The following N4BP2 variants were observed in gnomAD, a reference collection of about 807,000 sequenced individuals.
N4BP2 encodes the protein NEDD4-binding protein 2.
In N4BP2, 91 loss-of-function variants were observed where a neutral mutation model predicts 152.8. The ratio of observed to expected loss-of-function variants is 0.60; its 90% CI spans 0.50 to 0.71. The LOEUF (loss-of-function observed/expected upper bound fraction) is 0.71. Ranked by LOEUF, N4BP2 falls within the 30% of genes least tolerant of loss-of-function variation. The probability of loss-of-function intolerance (pLI) is 0.00; values close to 1 mark genes in which losing one functional copy is unlikely to be tolerated. For synonymous variants in N4BP2, 646 were observed against 705.3 expected, an observed-to-expected ratio of 0.92 and a Z score of 1.33; for missense variants, 1,923 against 2,059.1, an observed-to-expected ratio of 0.93 and a Z score of 1.28.
At chr4:40,060,537 G>T (rs1374591735) in intron 1 of N4BP2, among the ~76,000 whole-genome samples, 2 of 151,974 alleles carry the variant, frequency 1.3e-5, no homozygotes, top group Non-Finnish European at 2.9e-5. Context: ...GAGCCACTGT[G>T]CCCGGCCGCA....
intron 1 of N4BP2, among the ~76,000 whole-genome samples, chr4:40,066,493 A>AT: frequency 6.6e-6 from 1 of 150,798 alleles, no homozygotes; most frequent in African/African-American, 2.4e-5. Context: ...TAATTTTTGT[A>AT]TTTTTTATTA....
intron 16 of N4BP2, among the ~76,000 whole-genome samples, chr4:40,150,060 A>G (rs1290951049): frequency 2.0e-5 from 3 of 152,186 alleles, no homozygotes; most frequent in African/African-American, 7.2e-5. Context: ...GTCAGTCACC[A>G]CCAGGTGGCA....
intron 3 of N4BP2, among the ~76,000 whole-genome samples, chr4:40,101,677 ATACT>A (rs1715668460): frequency 6.6e-6 from 1 of 152,226 alleles, no homozygotes; most frequent in Non-Finnish European, 1.5e-5. Context: ...AATACATAAA[ATACT>A]TAATATTTAA....
intron 12 of N4BP2, among the ~76,000 whole-genome samples, chr4:40,131,451 T>C (rs1718894905): frequency 6.6e-6 from 1 of 152,192 alleles, no homozygotes. Flanking sequence ...TGTGTATGTA[T>C]ATATATGCCT....
At chr4:40,103,971 T>C (rs1232568779) in intron 4 of N4BP2, among the ~76,000 whole-genome samples, 1 of 152,166 alleles carries the variant, frequency 6.6e-6, no homozygotes, top group Non-Finnish European at 1.5e-5. Context: ...TCTTTTTTTT[T>C]TGAGACGGAG....
the N4BP2 span, among the ~76,000 whole-genome samples, chr4:40,184,594 A>G: frequency 3.3e-5 from 5 of 152,202 alleles, no homozygotes; most frequent in Non-Finnish European, 7.3e-5. Flanking sequence ...CCATTCAGAG[A>G]CAGTCACTAT....
chr4:40,127,181 GCCTGA>G (rs1718484368), intron 12 of N4BP2, among the ~76,000 whole-genome samples: 1 of 151,718 alleles, frequency 6.6e-6, no homozygotes, highest in South Asian at 2.1e-4. Context: ...GAGCCACTGT[GCCTGA>G]CCGGCTGCAT....
In N4BP2 at chr4:40,156,516, TCTAGCATAGTTTA is replaced by T. The variant is rs2109299322; in HGVS notation, c.*2280_*2292del. The T allele has an allele frequency of 6.6e-6, 1 of 152,272 alleles. No individual in the cohort carries two copies. The highest frequency in any genetic ancestry group is 1.5e-5 in the Non-Finnish European group (1 of 67,988). 9.4% of individuals were successfully genotyped at this position (152,272 alleles called of 1,614,324 possible). On this transcript the variant is annotated 3_prime_UTR_variant, in exon 18 of 18. Transcript: ENST00000261435. ...TTCCAAATTGCCTCCCACCCCACTA[TCTAGCATAGTTTA>T]AGCAACACATAATTTTGAAAGAAAA...
chr4:40,113,225 T>G (rs548571259), intron 6 of N4BP2, among the ~76,000 whole-genome samples: 28 of 152,316 alleles, frequency 1.8e-4, no homozygotes, highest in Admixed American at 3.3e-4. Context: ...ATGTATTATA[T>G]AAATAAATGC....
intron 4 of N4BP2, among the ~76,000 whole-genome samples, chr4:40,106,234 AT>A (rs926929018): frequency 6.6e-6 from 1 of 152,026 alleles, no homozygotes; most frequent in Non-Finnish European, 1.5e-5. Context: ...CTTAGGTCAG[AT>A]TTTTTTTGGA....
the N4BP2 span, among the ~76,000 whole-genome samples, chr4:40,181,892 T>C: frequency 1.3e-5 from 2 of 152,146 alleles, no homozygotes; most frequent in African/African-American, 4.8e-5. Context: ...GAGGTTGCAG[T>C]GAGCTGAGAT....
At position 40,121,649 on chromosome 4, in the gene N4BP2, A is replaced by G. The variant is rs773477837; in HGVS notation, c.3538A>G (p.Ser1180Gly). 6.2e-7 allele frequency: 1 copy of G among 1,614,194 alleles called. No individual in the cohort carries two copies. Among genetic ancestry groups the G allele is most frequent in the Non-Finnish European group, 8.5e-7 (1 of 1,180,026 alleles). Residue 1180 changes from serine to glycine, a missense_variant, in exon 9 of 18, where the codon AGC (serine) becomes GGC (glycine). By Grantham distance (56) the Ser-to-Gly change is moderately conservative. Transcript: ENST00000261435. ...ENSNSPVPEF[S>G]HGIGISNADS... ...TTCTAATTCTCCTGTGCCAGAGTTTAGCCATGGGATTGGTATTAGTAACGC... is the reference window on the plus strand; with the variant it reads ...TTCTAATTCTCCTGTGCCAGAGTTTGGCCATGGGATTGGTATTAGTAACGC...
At position 40,102,616 on chromosome 4, in the gene N4BP2, A is replaced by C. The variant is rs368147776; in HGVS notation, c.771A>C (p.Ala257=). 113 of 1,614,076 alleles carry C rather than the reference A, an allele frequency of 7.0e-5. No homozygotes were observed. The highest frequency in any genetic ancestry group is 9.5e-5 in the Non-Finnish European group (112 of 1,180,040). ...TAAATGTAGCAAGTGACTCCATCGCAGGTTGTAGCAGTCTCAATCAAAAAC... is the reference window on the plus strand; with the variant it reads ...TAAATGTAGCAAGTGACTCCATCGCCGGTTGTAGCAGTCTCAATCAAAAAC... ...SSLNVASDSI[A]GCSSLNQKQK... The change falls in exon 4 of 18, where the codon GCA becomes GCC. Residue 257 remains alanine (A), a synonymous_variant. Transcript: ENST00000261435.
chr4:40,091,998 A>C (rs1429132514), intron 2 of N4BP2, among the ~76,000 whole-genome samples: 1 of 102,168 alleles, frequency 9.8e-6, no homozygotes, highest in Non-Finnish European at 1.9e-5. Context: ...AAAAAAAAAA[A>C]AAAAAAAAAT....
chr4:40,142,106 A>G (rs370434708), intron 14 of N4BP2: 1,829 of 113,708 alleles, frequency 0.016, 22 homozygotes, highest in Non-Finnish European at 0.024. Flanking sequence ...GACCGTGGGG[A>G]GAGGGAGAGG....
the N4BP2 span, among the ~76,000 whole-genome samples, chr4:40,165,893 GTC>G: frequency 6.6e-6 from 1 of 152,120 alleles, no homozygotes. Flanking sequence ...CAAAGCCTCT[GTC>G]TCTATTTCTT....
chr4:40,181,292 G>C, the N4BP2 span, among the ~76,000 whole-genome samples: 2 of 152,124 alleles, frequency 1.3e-5, no homozygotes, highest in African/African-American at 4.8e-5. Flanking sequence ...AAGCAAGCTT[G>C]AAACTTCCCC....
chr4:40,170,854 C>T, the N4BP2 span, among the ~76,000 whole-genome samples: 1,283 of 152,294 alleles, frequency 8.4e-3, 17 homozygotes, highest in African/African-American at 0.029. Flanking sequence ...TTGTATTTCA[C>T]ATATCCTCAT....
chr4:40,102,658 AT>A lies in N4BP2; in HGVS notation c.814del (p.Ser272LeufsTer13), dbSNP rs1298725245. On this transcript the variant is annotated frameshift_variant, in exon 4 of 18. Coordinates refer to ENST00000261435, the MANE Select transcript of N4BP2 (RefSeq NM_018177.6). LOFTEE classifies it high-confidence loss of function. ...ATCAAAAACAGAAAGAACTTTTAGA[AT>A]CTGAGTGCGTTGAGGCTCAATTCTC... ...LNQKQKELLE[S>X]ECVEAQFSEA... is the part of the protein sequence containing the mutation. The A allele has an allele frequency of 3.1e-6, 5 of 1,614,094 alleles. No homozygotes were observed. Among genetic ancestry groups the A allele is most frequent in the Non-Finnish European group, 3.4e-6 (4 of 1,180,050 alleles).
Sources: gnomAD v4.1 joint callset for allele counts (sites outside exome capture counted in the v4.1 genomes callset) on GRCh38, gnomAD v4.1.1 for gene constraint, MANE v1.5 for transcripts, NCBI Gene and HGNC (gene_info 2026-07-23, HGNC 2026-07-21) for gene names.